C6: variants seen among roughly 807,000 people sequenced by gnomAD.
C6 encodes complement C6, also known as complement component C6.
In C6, 101 loss-of-function variants were observed where a neutral mutation model predicts 112.9. That is an observed-to-expected ratio of 0.89 (90% CI 0.76 to 1.06). C6 has a LOEUF of 1.06. Among genes scored for constraint, C6 ranks in the 50% least tolerant of loss-of-function variants. The pLI is 0.00. For missense variants in C6, 1,202 were observed against 1,104.6 expected, an observed-to-expected ratio of 1.09 and a Z score of -1.25; for synonymous variants, 431 against 384.1, an observed-to-expected ratio of 1.12 and a Z score of -1.43.
chr5:41,227,563 C>A (rs977230184), intron 1 of C6, among the ~76,000 whole-genome samples: 4 of 152,020 alleles, frequency 2.6e-5, no homozygotes, highest in African/African-American at 7.2e-5. Flanking sequence ...CCCATGATTT[C>A]TTCCGGTAGT....
chr5:41,186,516 G>A, intron 5 of C6: 1 of 333,116 alleles, frequency 3.0e-6, no homozygotes, highest in South Asian at 3.2e-5. Context: ...CCAGTGCAAA[G>A]TTTGGAAGCA....
At chr5:41,216,658 G>T (rs1752204868), upstream of C6, among the ~76,000 whole-genome samples, 1 of 152,064 alleles carries the variant, frequency 6.6e-6, no homozygotes, top group South Asian at 2.1e-4. Flanking sequence ...TATCTTTGAA[G>T]TATCTCTTCT....
intron 4 of C6, among the ~76,000 whole-genome samples, chr5:41,196,262 T>C (rs1350103907): frequency 2.0e-5 from 3 of 151,930 alleles, no homozygotes; most frequent in Non-Finnish European, 4.4e-5. Context: ...AATTTTGTTT[T>C]GATCTAGGAT....
chr5:41,199,342 G>T (rs1322893626), intron 4 of C6, among the ~76,000 whole-genome samples: 1 of 152,090 alleles, frequency 6.6e-6, no homozygotes, highest in African/African-American at 2.4e-5. Context: ...TTTTTGTAAA[G>T]AAAATTTTAT....
chr5:41,205,083 C>G (rs1751329889), intron 1 of C6, among the ~76,000 whole-genome samples: 2 of 152,134 alleles, frequency 1.3e-5, no homozygotes, highest in African/African-American at 4.8e-5. Context: ...TTGTATGCTG[C>G]TAGGCATTGA....
intron 1 of C6, 91 bp downstream of exon 1, chr5:41,213,285 T>C (rs1301937323): frequency 4.8e-6 from 2 of 420,686 alleles, no homozygotes; most frequent in African/African-American, 2.2e-5. Context: ...CTGAGTTACA[T>C]ATTTTTATGC....
rs111494743 is a variant in C6 at position 41,241,031 on chromosome 5, C to T, written c.-21+20163G>A. ...TTCCCAGATCTTTGGGCAGCATGCT[C>T]GCAGGAGTGGTGGTGGTGCCAGGCC... On this transcript the variant is annotated intron_variant, in intron 1 of 17. Transcript: ENST00000263413. Among the ~76,000 whole-genome samples, 346 of 152,264 alleles carry T rather than the reference C, an allele frequency of 2.3e-3. 1 individual carries two copies. The highest frequency in any genetic ancestry group is 8.0e-3 in the African/African-American group (332 of 41,562).
intron 3 of C6, among the ~76,000 whole-genome samples, chr5:41,200,776 A>G (rs1054894447): frequency 1.3e-5 from 2 of 151,784 alleles, no homozygotes; most frequent in African/African-American, 2.4e-5. Context: ...GACTGCTGTG[A>G]GGAGAGGGAA....
At chr5:41,221,123 C>T (rs1242822157) in intron 1 of C6, among the ~76,000 whole-genome samples, 1 of 151,254 alleles carries the variant, frequency 6.6e-6, no homozygotes, top group Non-Finnish European at 1.5e-5. Context: ...TTTCTAGTAC[C>T]AGTCACTTTA....
intron 1 of C6, among the ~76,000 whole-genome samples, chr5:41,234,962 G>T (rs1740163983): frequency 6.6e-6 from 1 of 151,250 alleles, no homozygotes; most frequent in Non-Finnish European, 1.5e-5. Flanking sequence ...GCTGAGATTT[G>T]TCCTTCTATT....
At chr5:41,227,910 C>T (rs1739624035) in intron 1 of C6, among the ~76,000 whole-genome samples, 1 of 152,070 alleles carries the variant, frequency 6.6e-6, no homozygotes, top group Non-Finnish European at 1.5e-5. Context: ...TGTGATGCCT[C>T]CAGCTTTGCT....
intron 5 of C6, among the ~76,000 whole-genome samples, chr5:41,191,678 G>C (rs77412143): frequency 6.6e-6 from 1 of 151,714 alleles, no homozygotes; most frequent in Non-Finnish European, 1.5e-5. Context: ...CTTATAGTTA[G>C]CTCTCTTGAT....
Position 41,142,701 on chromosome 5 carries a change from A to G in C6, c.*124T>C, listed in dbSNP as rs1243561476. 8 of 791,306 alleles carry G rather than the reference A, an allele frequency of 1.0e-5. No homozygotes were observed. Among genetic ancestry groups the G allele is most frequent in the Non-Finnish European group, 1.8e-5 (8 of 450,720 alleles). 49.0% of individuals were successfully genotyped at this position (791,306 alleles called of 1,614,324 possible). On this transcript the variant is annotated 3_prime_UTR_variant, in exon 18 of 18. Transcript: ENST00000337836. ...AGAATAATGATCTCAAACTAACAGA[A>G]AATAATTTTTGTCAGTAACTTTGAG...
At chr5:41,200,293 T>A (rs1459903775) in intron 3 of C6, among the ~76,000 whole-genome samples, 6 of 152,174 alleles carry the variant, frequency 3.9e-5, no homozygotes, top group African/African-American at 1.2e-4. Context: ...AAGGGATAAA[T>A]GTGAAATAAT....
Position 41,222,156 on chromosome 5 carries a change from A to ATTTTT in C6, c.-20-18907_-20-18906insAAAAA, listed in dbSNP as rs1739210794. 2.0e-5 allele frequency among the ~76,000 whole-genome samples: 3 copies of ATTTTT among 148,018 alleles called. No homozygotes were observed. The Admixed American group carries it at 2.0e-4, about 10-fold the overall frequency. On this transcript the variant is annotated intron_variant, in intron 1 of 17. Transcript: ENST00000263413. ...TCTGTTGCCTGGGCGACAGAGAGAG[A>ATTTTT]CTCCATCTCAAAAAAAAAAAACAAA...
chr5:41,178,500 A>G (rs1749053058), intron 7 of C6, among the ~76,000 whole-genome samples: 1 of 10,536 alleles, frequency 9.5e-5, no homozygotes, highest in South Asian at 2.4e-3. Flanking sequence ...AGATGGAGAC[A>G]GAGCTAGCTC....
intron 15 of C6, among the ~76,000 whole-genome samples, 196 bp from the exon 16 acceptor site, chr5:41,150,221 A>G (rs1746255267): frequency 6.6e-6 from 1 of 152,190 alleles, no homozygotes; most frequent in Non-Finnish European, 1.5e-5. Flanking sequence ...ATGAGGTGTC[A>G]TTTTCCAACC....
chr5:41,207,882 T>C lies in C6; in HGVS notation c.-20-4632A>G, dbSNP rs556693432. On this transcript the variant is annotated intron_variant, in intron 1 of 17. Transcript: ENST00000337836. ...TCAGCTCTGCACCAAGCGGACCTAA[T>C]AGACATCTCCAGAACTCTCCACCCC... is the stretch of plus-strand genomic sequence containing the variant. Among the ~76,000 whole-genome samples, 27 of 152,270 alleles carry C rather than the reference T, an allele frequency of 1.8e-4. 1 individual carries two copies. The South Asian group carries it at 5.4e-3, about 30-fold the overall frequency.
At chr5:41,152,730 T>C (rs1746529223) in intron 15 of C6, 1 of 152,224 alleles carries the variant, frequency 6.6e-6, no homozygotes, top group Admixed American at 6.5e-5. Flanking sequence ...GTTTACAATG[T>C]GGTGATATTG....
Sources: gnomAD v4.1 joint callset for allele counts (sites outside exome capture counted in the v4.1 genomes callset) on GRCh38, gnomAD v4.1.1 for gene constraint, MANE v1.5 for transcripts, NCBI Gene and HGNC (gene_info 2026-07-23, HGNC 2026-07-21) for gene names.